The following DLG1 variants were observed in gnomAD, a reference collection of about 807,000 sequenced individuals.
The protein encoded by DLG1 is discs large MAGUK scaffold protein 1.
A neutral mutation model predicts 123.4 loss-of-function variants in DLG1; 42 were observed. The ratio of observed to expected loss-of-function variants is 0.34; its 90% confidence interval spans 0.27 to 0.44. DLG1 has a LOEUF of 0.44. Ranked by LOEUF, DLG1 falls within the 20% of genes least tolerant of loss-of-function variation. The pLI, the probability that DLG1 is intolerant of heterozygous loss-of-function variation, is 1.00. For missense variants in DLG1, 942 were observed against 1,082.6 expected (o/e 0.87, Z 1.82); for synonymous variants, 317 against 356.2 (o/e 0.89, Z 1.24).
At chr3:197,075,961 A>G in intron 18 of DLG1, 1 of 1,125,698 alleles carries the variant, frequency 8.9e-7, no homozygotes, top group South Asian at 1.4e-5. Flanking sequence ...CTACAGTAAG[A>G]GACAGTTCCA....
At chr3:197,170,044 C>T (rs887244851) in intron 5 of DLG1, among the ~76,000 whole-genome samples, 3 of 152,142 alleles carry the variant, frequency 2.0e-5, no homozygotes, top group Non-Finnish European at 2.9e-5. Flanking sequence ...AGTTTGCTAA[C>T]GATGACGCCC....
intron 4 of DLG1, among the ~76,000 whole-genome samples, chr3:197,261,150 G>A (rs1759257701): frequency 6.6e-6 from 1 of 152,138 alleles, no homozygotes; most frequent in Non-Finnish European, 1.5e-5. Flanking sequence ...CTAACTTTGT[G>A]AATTCATGTC....
intron 5 of DLG1, among the ~76,000 whole-genome samples, chr3:197,180,159 T>C (rs1809423501): frequency 6.6e-6 from 1 of 150,574 alleles, no homozygotes; most frequent in Non-Finnish European, 1.5e-5. Flanking sequence ...TATACACACA[T>C]TCAAAATGAC....
Position 197,140,142 on chromosome 3 carries a change from C to A in DLG1, c.711G>T (p.Leu237Phe), listed in dbSNP as rs769702380. Residue 237 changes from leucine to phenylalanine, a missense_variant and splice_region_variant, in exon 8 of 25, where the codon TTG becomes TTT. Transcript: ENST00000667157. Reference sequence around the variant, plus strand: ...ACAATAAAAAGCGCAAAACATACCGCAATCTTCCATCTTGGGCGGCTGCTC... The same window carrying A: ...ACAATAAAAAGCGCAAAACATACCGAAATCTTCCATCTTGGGCGGCTGCTC... ...TGGAAAQDGR[L>F]RVNDCILRVN... 2 of 1,612,410 alleles carry A rather than the reference C, an allele frequency of 1.2e-6. No homozygotes were observed. The highest frequency in any genetic ancestry group is 1.7e-6 in the Non-Finnish European group (2 of 1,179,196).
intron 22 of DLG1, among the ~76,000 whole-genome samples, chr3:197,062,817 A>G (rs1736753019): frequency 6.6e-6 from 1 of 152,200 alleles, no homozygotes; most frequent in Admixed American, 6.5e-5. Flanking sequence ...TGTATACATA[A>G]ATACACATCT....
intron 2 of DLG1, chr3:197,296,859 C>A (rs1396732019): frequency 3.1e-5 from 11 of 349,902 alleles, no homozygotes; most frequent in Non-Finnish European, 4.6e-5. Flanking sequence ...AATACAAATT[C>A]TTAGTATCCC....
chr3:197,147,121 C>G (rs780374312), intron 6 of DLG1, among the ~76,000 whole-genome samples: 3 of 151,490 alleles, frequency 2.0e-5, no homozygotes, highest in Non-Finnish European at 4.4e-5. Flanking sequence ...GAATGGTCAT[C>G]ATAAAAAAAT....
chr3:197,059,642 A>G (rs910758536), intron 23 of DLG1, among the ~76,000 whole-genome samples: 6 of 152,176 alleles, frequency 3.9e-5, no homozygotes, highest in Non-Finnish European at 7.3e-5. Flanking sequence ...GCCACTAGTC[A>G]CACGTGGGGC....
chr3:197,113,329 C>G (rs1245936486), intron 13 of DLG1, among the ~76,000 whole-genome samples: 1 of 152,050 alleles, frequency 6.6e-6, no homozygotes, highest in Admixed American at 6.5e-5. Context: ...TTCCTTGTGT[C>G]TACTTGTTCT....
At chr3:197,245,040 A>G (rs1161620043) in intron 4 of DLG1, among the ~76,000 whole-genome samples, 1 of 152,212 alleles carries the variant, frequency 6.6e-6, no homozygotes, top group Non-Finnish European at 1.5e-5. Flanking sequence ...CGGACCTTTA[A>G]TAAGGCAATA....
intron 24 of DLG1, among the ~76,000 whole-genome samples, chr3:197,047,570 G>T (rs765911963): frequency 6.6e-6 from 1 of 150,434 alleles, no homozygotes; most frequent in Non-Finnish European, 1.5e-5. Flanking sequence ...AGTAAAATAA[G>T]AATATTGGGG....
At chr3:197,132,442 A>C (rs1783140028) in intron 10 of DLG1, among the ~76,000 whole-genome samples, 1 of 152,240 alleles carries the variant, frequency 6.6e-6, no homozygotes, top group South Asian at 2.1e-4. Flanking sequence ...TTTCACAAAA[A>C]AATGTAAAGG....
chr3:197,279,570 C>T (rs1768165581), intron 4 of DLG1, among the ~76,000 whole-genome samples: 1 of 152,178 alleles, frequency 6.6e-6, no homozygotes, highest in Non-Finnish European at 1.5e-5. Context: ...ACTTTCCAAA[C>T]TAATAAGATC....
At chr3:197,096,530 ATT>A (rs1760754080) in intron 14 of DLG1, among the ~76,000 whole-genome samples, 1 of 151,778 alleles carries the variant, frequency 6.6e-6, no homozygotes, top group African/African-American at 2.4e-5. Context: ...AGATTAAACT[ATT>A]TTTCTCTCCT....
At chr3:197,244,101 C>T (rs977505505) in intron 4 of DLG1, among the ~76,000 whole-genome samples, 7 of 152,178 alleles carry the variant, frequency 4.6e-5, no homozygotes, top group African/African-American at 1.7e-4. Context: ...AGGGCTTAAG[C>T]TCACTGCATC....
At chr3:197,136,717 T>C (rs1580085812) in intron 9 of DLG1, 39 bp from the exon 10 acceptor site, 6 of 1,564,760 alleles carry the variant, frequency 3.8e-6, no homozygotes, top group African/African-American at 1.4e-5. Flanking sequence ...TCCATAAATA[T>C]GAACTTAAGC....
chr3:197,275,712 T>C (rs1442204746), intron 4 of DLG1, among the ~76,000 whole-genome samples: 1 of 151,572 alleles, frequency 6.6e-6, no homozygotes, highest in African/African-American at 2.4e-5. Flanking sequence ...AGTTGGAGAG[T>C]AGAATGGTAG....
chr3:197,194,987 C>T (rs1275052549), intron 4 of DLG1, among the ~76,000 whole-genome samples: 1 of 151,994 alleles, frequency 6.6e-6, no homozygotes, highest in Non-Finnish European at 1.5e-5. Flanking sequence ...ATTTTAATTT[C>T]TACCTGAAAA....
chr3:197,066,513 T>G (rs1739661053), intron 20 of DLG1, among the ~76,000 whole-genome samples, 191 bp downstream of exon 20: 1 of 152,166 alleles, frequency 6.6e-6, no homozygotes, highest in Non-Finnish European at 1.5e-5. Flanking sequence ...AAAGTCAGTA[T>G]GAAATGACTA....
Sources: allele counts gnomAD v4.1 joint callset (sites outside exome capture counted in the v4.1 genomes callset), GRCh38; gene constraint gnomAD v4.1.1; transcripts MANE v1.5; gene names NCBI Gene and HGNC (gene_info 2026-07-23, HGNC 2026-07-21).